CCSER2: variants seen among roughly 807,000 people sequenced by gnomAD.
CCSER2 encodes the protein serine-rich coiled-coil domain-containing protein 2.
CCSER2 carries 46 observed loss-of-function variants against 92.3 expected under a neutral mutation model. That is an observed-to-expected ratio of 0.50 (90% CI 0.39 to 0.64). CCSER2 has a LOEUF of 0.64. Ranked by LOEUF, CCSER2 falls within the 30% of genes least tolerant of loss-of-function variation. The pLI is 0.00. For missense variants in CCSER2, 1,244 were observed against 1,238.9 expected (o/e 1.00, Z -0.06); for synonymous variants, 433 against 431.4 (o/e 1.00, Z -0.04).
chr10:84,335,058 G>A (rs1843756260), intron 1 of CCSER2, among the ~76,000 whole-genome samples: 1 of 152,088 alleles, frequency 6.6e-6, no homozygotes, highest in Admixed American at 6.5e-5. Flanking sequence ...TGAGTTCTGT[G>A]TGTGAGAATA....
intron 9 of CCSER2, among the ~76,000 whole-genome samples, 197 bp from the exon 10 acceptor site, chr10:84,513,252 A>G (rs1422354968): frequency 2.0e-5 from 3 of 151,938 alleles, no homozygotes; most frequent in African/African-American, 7.3e-5. Flanking sequence ...TGCCTGTATC[A>G]TTTTTTGTTT....
intron 9 of CCSER2, among the ~76,000 whole-genome samples, chr10:84,489,779 A>T (rs564383767): frequency 6.6e-6 from 1 of 152,308 alleles, no homozygotes; most frequent in South Asian, 2.1e-4. Flanking sequence ...TGATCCTGGC[A>T]TTATGATGTT....
intron 3 of CCSER2, among the ~76,000 whole-genome samples, chr10:84,382,482 A>G (rs551407440): frequency 6.6e-6 from 1 of 152,342 alleles, no homozygotes; most frequent in Admixed American, 6.5e-5. Flanking sequence ...GATAAATATT[A>G]TAATCATTGT....
intron 5 of CCSER2, among the ~76,000 whole-genome samples, chr10:84,431,639 G>T (rs958271831): frequency 2.6e-5 from 4 of 152,186 alleles, no homozygotes; most frequent in South Asian, 4.1e-4. Context: ...CTACTTGGGA[G>T]GCTGAGGTGG....
intron 6 of CCSER2, among the ~76,000 whole-genome samples, chr10:84,450,900 A>G (rs1845241502): frequency 6.6e-6 from 1 of 152,224 alleles, no homozygotes; most frequent in African/African-American, 2.4e-5. Context: ...ATCTGAGTGT[A>G]TAATAAATTG....
In CCSER2 at chr10:84,425,878, A is replaced by G. The variant is rs1243525324; in HGVS notation, c.1853A>G (p.Lys618Arg). The G allele has an allele frequency of 6.2e-7, 1 of 1,602,018 alleles. No individual in the cohort carries two copies. Among genetic ancestry groups the G allele is most frequent in the South Asian group, 1.1e-5 (1 of 89,268 alleles). The stretch of plus-strand genomic sequence containing the variant: ...CCTGACCACTATCATCACCATGGAA[A>G]AAGTGACTTGAGCAGGTAAGTACTG... ...SHPDHYHHHG[K>R]SDLSRGSPYR... Residue 618 changes from lysine to arginine, a missense_variant, in exon 5 of 10, where the codon AAA becomes AGA. By Grantham distance (26) the Lys-to-Arg change is conservative (BLOSUM62 2). Transcript: ENST00000372088.
At chr10:84,373,556 AT>A in intron 2 of CCSER2, 62 bp from the exon 3 acceptor site, 3 of 1,281,858 alleles carry the variant, frequency 2.3e-6, no homozygotes, top group Non-Finnish European at 2.2e-6. Context: ...ATTAGCACTT[AT>A]ATTTTTAGGA....
At chr10:84,445,448 TGGCCG>T in intron 6 of CCSER2, among the ~76,000 whole-genome samples, 1 of 152,242 alleles carries the variant, frequency 6.6e-6, no homozygotes, top group Non-Finnish European at 1.5e-5. Context: ...CCACCGCACC[TGGCCG>T]GTATCTCTTT....
chr10:84,398,229 G>A (rs1239684760), intron 3 of CCSER2, among the ~76,000 whole-genome samples: 3 of 152,032 alleles, frequency 2.0e-5, no homozygotes, highest in Non-Finnish European at 2.9e-5. Flanking sequence ...GAGCAACACC[G>A]CACCTCTTTG....
intron 3 of CCSER2, among the ~76,000 whole-genome samples, chr10:84,407,318 G>A (rs952107631): frequency 6.6e-6 from 1 of 151,950 alleles, no homozygotes; most frequent in Admixed American, 6.6e-5. Flanking sequence ...GCTTTATTGA[G>A]GTTGACTTTC....
chr10:84,342,555 G>C (rs1203756614), intron 1 of CCSER2, among the ~76,000 whole-genome samples: 1 of 152,080 alleles, frequency 6.6e-6, no homozygotes, highest in East Asian at 1.9e-4. Flanking sequence ...TCCTTCTCCT[G>C]TTCACAGAAT....
At position 84,441,734 on chromosome 10, in the gene CCSER2, A is replaced by ATTTTTTTTTTTTTTTTT. The variant is rs1564667385; in HGVS notation, c.2064+3028_2064+3029insTTTTTTTTTTTTTTTTT. Among the ~76,000 whole-genome samples, 16 of 106,404 alleles carry ATTTTTTTTTTTTTTTTT rather than the reference A, an allele frequency of 1.5e-4. 1 individual carries two copies. The highest frequency in any genetic ancestry group is 2.0e-4 in the Non-Finnish European group (11 of 54,112). The allele number at this position is 106,404 out of a possible 152,430, so 69.8% of individuals were successfully genotyped here. A position where few individuals can be genotyped will look rare whatever the true frequency, so the allele number is the denominator to read the frequency against. ...GGGAATAAAGTAGAAGACTGGGAAA[A>ATTTTTTTTTTTTTTTTT]TGTTTTTTTTTTTTTTTTTTTTTTT... On this transcript the variant is annotated intron_variant, in intron 6 of 9. Coordinates refer to ENST00000372088, the MANE Select transcript of CCSER2 (RefSeq NM_001284240.2).
At chr10:84,481,870 G>A (rs145116804) in intron 9 of CCSER2, among the ~76,000 whole-genome samples, 178 of 152,150 alleles carry the variant, frequency 1.2e-3, no homozygotes, top group Non-Finnish European at 2.2e-3. Flanking sequence ...ACTCTAGAGC[G>A]GCACAGTCCT....
At chr10:84,439,480 T>C (rs1471632546) in intron 6 of CCSER2, among the ~76,000 whole-genome samples, 1 of 152,234 alleles carries the variant, frequency 6.6e-6, no homozygotes. Context: ...TTCTCTCTGC[T>C]GCTCAGTTTG....
chr10:84,494,019 CT>C (rs1434403934), intron 9 of CCSER2, among the ~76,000 whole-genome samples: 2 of 152,204 alleles, frequency 1.3e-5, no homozygotes, highest in Non-Finnish European at 2.9e-5. Context: ...GTTCCTGCTT[CT>C]GTGAGAATCT....
At chr10:84,379,683 T>C (rs546645114) in intron 3 of CCSER2, among the ~76,000 whole-genome samples, 40 of 152,160 alleles carry the variant, frequency 2.6e-4, no homozygotes, top group Non-Finnish European at 8.8e-5. Flanking sequence ...CTTAATGCAT[T>C]TATATATCCA....
intron 9 of CCSER2, among the ~76,000 whole-genome samples, chr10:84,483,534 T>C (rs970162519): frequency 3.3e-5 from 5 of 152,178 alleles, no homozygotes; most frequent in African/African-American, 9.7e-5. Flanking sequence ...ATCAAATGTT[T>C]ATAATTTCCA....
At chr10:84,446,359 G>A (rs1220940759) in intron 6 of CCSER2, among the ~76,000 whole-genome samples, 2 of 152,082 alleles carry the variant, frequency 1.3e-5, no homozygotes, top group Non-Finnish European at 2.9e-5. Context: ...CCCCTCCAAC[G>A]TTGAGAATAA....
chr10:84,491,332 C>G (rs1848151518), intron 9 of CCSER2, among the ~76,000 whole-genome samples: 1 of 152,306 alleles, frequency 6.6e-6, no homozygotes, highest in African/African-American at 2.4e-5. Flanking sequence ...TGCCCTGCCC[C>G]CAGAGGTGGA....
Sources: gnomAD v4.1 joint callset for allele counts (sites outside exome capture counted in the v4.1 genomes callset) on GRCh38, gnomAD v4.1.1 for gene constraint, MANE v1.5 for transcripts, NCBI Gene and HGNC (gene_info 2026-07-23, HGNC 2026-07-21) for gene names.